CFAP299: variants seen among roughly 807,000 people sequenced by gnomAD.
CFAP299 encodes the protein cilia and flagella associated protein 299, also known as cilia- and flagella-associated protein 299.
Under a neutral mutation model 27.0 loss-of-function variants are expected in CFAP299, and 21 were observed. That is an observed-to-expected ratio of 0.78 (90% confidence interval 0.55 to 1.12). The LOEUF (loss-of-function observed/expected upper bound fraction) is 1.12. Among genes scored for constraint, CFAP299 ranks in the 50% most tolerant of loss-of-function variants. The probability of loss-of-function intolerance (pLI) is 0.00; values close to 1 mark genes in which losing one functional copy is unlikely to be tolerated. For missense variants in CFAP299, 310 were observed against 276.6 expected (o/e 1.12, Z -0.86); for synonymous variants, 104 against 98.1 (o/e 1.06, Z -0.36).
intron 4 of CFAP299, among the ~76,000 whole-genome samples, chr4:80,881,549 T>C (rs903823129): frequency 7.0e-6 from 1 of 142,184 alleles, no homozygotes; most frequent in Non-Finnish European, 1.6e-5. Context: ...AGTGTGCTCC[T>C]TGTTGAGTTG....
At chr4:80,688,966 A>G (rs531889028) in intron 3 of CFAP299, among the ~76,000 whole-genome samples, 31 of 152,298 alleles carry the variant, frequency 2.0e-4, no homozygotes, top group Non-Finnish European at 4.3e-4. Flanking sequence ...AAATGAATGA[A>G]ATGAAGCGAG....
At chr4:80,912,660 C>A (rs1735538466) in intron 4 of CFAP299, among the ~76,000 whole-genome samples, 1 of 152,154 alleles carries the variant, frequency 6.6e-6, no homozygotes, top group Admixed American at 6.6e-5. Context: ...AGTGGTTAAC[C>A]CAGAGCTCTG....
intron 1 of CFAP299, among the ~76,000 whole-genome samples, chr4:80,358,191 G>A (rs1723365105): frequency 6.6e-6 from 1 of 151,942 alleles, no homozygotes; most frequent in African/African-American, 2.4e-5. Context: ...ATTGTGCTTT[G>A]GTCCAAGATA....
At chr4:80,601,382 C>G (rs1266304068) in intron 3 of CFAP299, among the ~76,000 whole-genome samples, 4 of 152,006 alleles carry the variant, frequency 2.6e-5, no homozygotes, top group Non-Finnish European at 4.4e-5. Context: ...ATATTTTGTG[C>G]ATTTTGAGAT....
rs1291362422 is a variant in CFAP299 at position 80,504,698 on chromosome 4, T to C, written c.243-78395T>C. ...AAGAATGGGGGATTAAAAAAAACAC[T>C]GTAGAAGTGAGCGATTATGTGGCAT... is the stretch of plus-strand genomic sequence containing the variant. On this transcript the variant is annotated intron_variant, in intron 2 of 5. Coordinates refer to ENST00000358105, the MANE Select transcript of CFAP299 (RefSeq NM_152770.3). 4.1e-5 allele frequency among the ~76,000 whole-genome samples: 6 copies of C among 147,602 alleles called. No homozygotes were observed. The East Asian group carries it at 1.2e-3, about 29-fold the overall frequency.
In CFAP299 at chr4:80,872,836, C is replaced by T. The variant is rs368526384; in HGVS notation, c.476+2701C>T. On this transcript the variant is annotated intron_variant, in intron 4 of 5. Transcript: ENST00000358105. ...TCTTTTTCTTGCAAATTATAAGATT[C>T]GTTTTATTTATTTTTGGATATTGAT... 55 of 882,938 alleles carry T rather than the reference C, an allele frequency of 6.2e-5. No homozygotes were observed. The East Asian group carries it at 4.6e-3, about 74-fold the overall frequency. 54.7% of individuals were successfully genotyped at this position (882,938 alleles called of 1,614,324 possible).
intron 4 of CFAP299, among the ~76,000 whole-genome samples, chr4:80,900,215 A>T (rs1734820218): frequency 6.6e-6 from 1 of 151,344 alleles, no homozygotes; most frequent in Non-Finnish European, 1.5e-5. Context: ...TATGAGAACT[A>T]AGAAAGAGGT....
intron 5 of CFAP299, among the ~76,000 whole-genome samples, chr4:80,956,607 C>A (rs888049370): frequency 1.3e-5 from 2 of 151,842 alleles, no homozygotes; most frequent in African/African-American, 2.4e-5. Context: ...GCACTAATCA[C>A]CATGCCTAAG....
At chr4:80,441,117 A>C (rs1348730612) in intron 2 of CFAP299, among the ~76,000 whole-genome samples, 1 of 152,258 alleles carries the variant, frequency 6.6e-6, no homozygotes, top group Non-Finnish European at 1.5e-5. Context: ...AATGGAACCC[A>C]GTTGGAAAAC....
intron 3 of CFAP299, among the ~76,000 whole-genome samples, chr4:80,594,371 C>T (rs1302919714): frequency 3.3e-5 from 5 of 152,112 alleles, no homozygotes; most frequent in African/African-American, 2.4e-5. Context: ...GGAAACTGCC[C>T]CCATGATTCA....
intron 4 of CFAP299, among the ~76,000 whole-genome samples, chr4:80,937,304 T>TCTTC (rs1736945871): frequency 7.3e-6 from 1 of 136,288 alleles, no homozygotes; most frequent in African/African-American, 3.1e-5. Context: ...TTTTCTTTTT[T>TCTTC]TTTCTTTCTT....
chr4:80,709,182 A>G (rs1345771071), intron 3 of CFAP299, among the ~76,000 whole-genome samples: 1 of 152,080 alleles, frequency 6.6e-6, no homozygotes, highest in African/African-American at 2.4e-5. Flanking sequence ...AGAGAAACTC[A>G]TTTTTCTTTT....
intron 3 of CFAP299, among the ~76,000 whole-genome samples, chr4:80,623,366 T>C (rs1479194791): frequency 6.6e-6 from 1 of 151,910 alleles, no homozygotes; most frequent in Non-Finnish European, 1.5e-5. Flanking sequence ...CAAACAAAAA[T>C]TATGAAACAA....
the CFAP299 span, among the ~76,000 whole-genome samples, chr4:80,327,384 G>A: frequency 6.6e-6 from 1 of 152,020 alleles, no homozygotes; most frequent in South Asian, 2.1e-4. Flanking sequence ...TAGCCAGGGT[G>A]AGAAGAAATG....
chr4:80,703,193 T>A (rs1444947623), intron 3 of CFAP299, among the ~76,000 whole-genome samples: 1 of 151,834 alleles, frequency 6.6e-6, no homozygotes, highest in Non-Finnish European at 1.5e-5. Flanking sequence ...TCTATTCATT[T>A]GAACCTGGAT....
chr4:80,398,344 G>A (rs961582735), intron 2 of CFAP299, among the ~76,000 whole-genome samples: 5 of 152,036 alleles, frequency 3.3e-5, no homozygotes, highest in African/African-American at 9.7e-5. Flanking sequence ...CTACTTTAAA[G>A]TTCATATGGA....
chr4:80,353,283 C>T (rs1723101329), intron 1 of CFAP299, among the ~76,000 whole-genome samples: 2 of 152,132 alleles, frequency 1.3e-5, no homozygotes, highest in Non-Finnish European at 2.9e-5. Flanking sequence ...TTTGGGTCAA[C>T]TCGAAAGGAC....
At chr4:80,914,999 C>T (rs2110206481) in intron 4 of CFAP299, among the ~76,000 whole-genome samples, 1 of 151,558 alleles carries the variant, frequency 6.6e-6, no homozygotes, top group African/African-American at 2.4e-5. Flanking sequence ...TTATTTTTTT[C>T]TTATCTCAGA....
chr4:80,744,598 G>T (rs1374216110), intron 3 of CFAP299, among the ~76,000 whole-genome samples: 2 of 151,240 alleles, frequency 1.3e-5, no homozygotes, highest in Non-Finnish European at 2.9e-5. Flanking sequence ...TTTTTTAAAG[G>T]TTGATCGCCG....
Sources: allele counts gnomAD v4.1 joint callset (sites outside exome capture counted in the v4.1 genomes callset), GRCh38; gene constraint gnomAD v4.1.1; transcripts MANE v1.5; gene names NCBI Gene and HGNC (gene_info 2026-07-23, HGNC 2026-07-21).